TET3: variants seen among roughly 807,000 people sequenced by gnomAD.
The protein encoded by TET3 is methylcytosine dioxygenase TET3.
Under a neutral mutation model 141.4 loss-of-function variants are expected in TET3, and 19 were observed. That is an observed-to-expected ratio of 0.13 (90% CI 0.09 to 0.20). TET3 has a LOEUF of 0.20. Among genes scored for constraint, TET3 ranks in the 10% least tolerant of loss-of-function variants. The pLI is 1.00. For missense variants in TET3, 1,874 were observed against 2,356.9 expected (o/e 0.80, Z 4.24); for synonymous variants, 1,043 against 980.9 (o/e 1.06, Z -1.18).
intron 4 of TET3, among the ~76,000 whole-genome samples, chr2:74,071,795 C>G (rs1473249855): frequency 2.6e-5 from 4 of 152,118 alleles, no homozygotes; most frequent in Admixed American, 6.5e-5. Flanking sequence ...TGTTTTTAGC[C>G]TCCTAATATC....
In TET3 at chr2:74,106,742, ATT is replaced by A. The variant is rs981982564; in HGVS notation, c.*4572_*4573del. On this transcript the variant is annotated 3_prime_UTR_variant, in exon 12 of 12. Transcript: ENST00000409262. The stretch of plus-strand genomic sequence containing the variant: ...TTTTGTGTCATCCACTGTCACAATA[ATT>A]TTTTTAAATACCTCAAAAACAGGAC... 6.5e-6 allele frequency: 1 copy of A among 153,692 alleles called. No individual in the cohort carries two copies. Among genetic ancestry groups the A allele is most frequent in the Admixed American group, 6.5e-5 (1 of 15,286 alleles). The allele number at this position is 153,692 out of a possible 1,614,324, so 9.5% of individuals were successfully genotyped here.
At chr2:74,063,941 T>A (rs1688740846) in intron 4 of TET3, among the ~76,000 whole-genome samples, 1 of 150,988 alleles carries the variant, frequency 6.6e-6, no homozygotes, top group South Asian at 2.1e-4. Context: ...GAAGGGTAGA[T>A]CTTATCTTTA....
Position 74,003,046 on chromosome 2 carries a change from AG to A in TET3, c.304-62del, listed in dbSNP as rs375905318. On this transcript the variant is annotated intron_variant, in intron 2 of 11. Transcript: ENST00000409262. ...CTCCGGCCGGGCTGGGGGCTGTAGC[AG>A]GAGGACTTTGCTGCCTTCCTGGTAC... 3 of 1,530,686 alleles carry A rather than the reference AG, an allele frequency of 2.0e-6. No individual in the cohort carries two copies. The African/African-American group carries it at 4.1e-5, about 21-fold the overall frequency. 94.8% of individuals were successfully genotyped at this position (1,530,686 alleles called of 1,614,324 possible).
intron 4 of TET3, among the ~76,000 whole-genome samples, chr2:74,067,473 G>C (rs1036658481): frequency 3.9e-5 from 6 of 152,360 alleles, no homozygotes; most frequent in Non-Finnish European, 5.9e-5. Flanking sequence ...GAGGATTAGA[G>C]AGGTTGGGAA....
chr2:74,038,243 A>G (rs1416018249), intron 3 of TET3, among the ~76,000 whole-genome samples: 9 of 152,030 alleles, frequency 5.9e-5, no homozygotes, highest in Admixed American at 5.9e-4. Context: ...CTCTTCATGG[A>G]GTGTAGTGAA....
At chr2:74,086,284 T>C (rs990525359) in intron 6 of TET3, among the ~76,000 whole-genome samples, 1 of 152,140 alleles carries the variant, frequency 6.6e-6, no homozygotes, top group Admixed American at 6.5e-5. Context: ...CTGACATCTT[T>C]TTATAAACCA....
At chr2:74,008,400 G>T (rs947544538) in intron 3 of TET3, among the ~76,000 whole-genome samples, 5 of 152,240 alleles carry the variant, frequency 3.3e-5, no homozygotes, top group Non-Finnish European at 7.3e-5. Flanking sequence ...CTTGGAGGAA[G>T]AGAACAGTTG....
chr2:74,088,887 C>G (rs1044593843), intron 7 of TET3, among the ~76,000 whole-genome samples: 6 of 152,024 alleles, frequency 3.9e-5, no homozygotes, highest in African/African-American at 1.5e-4. Flanking sequence ...TCGAGACGAG[C>G]CTGGCCATCA....
Position 74,102,304 on chromosome 2 carries a change from GCGC to G in TET3, c.*129_*131del. The G allele has an allele frequency of 5.0e-6, 6 of 1,204,828 alleles. No homozygotes were observed. The highest frequency in any genetic ancestry group is 6.3e-6 in the Non-Finnish European group (6 of 947,002). 74.6% of individuals were successfully genotyped at this position (1,204,828 alleles called of 1,614,324 possible). A position where few individuals can be genotyped will look rare whatever the true frequency, so the allele number is the denominator to read the frequency against. ...TTTATCTCTATATACATATATAGAT[GCGC>G]ATATCATATATATGTATTTATGGTC... On this transcript the variant is annotated 3_prime_UTR_variant, in exon 12 of 12. Transcript: ENST00000409262.
At chr2:74,133,031 G>T in the TET3 span, among the ~76,000 whole-genome samples, 1 of 151,500 alleles carries the variant, frequency 6.6e-6, no homozygotes. Flanking sequence ...CCGAGTAGCT[G>T]GGACTACAGG....
chr2:74,080,454 T>C (rs955626641), intron 5 of TET3, 44 bp from the exon 6 acceptor site: 11 of 1,559,912 alleles, frequency 7.1e-6, no homozygotes, highest in Non-Finnish European at 9.6e-6. Context: ...TGTTCTCCTT[T>C]GGGGTTCTGC....
chr2:73,998,229 A>ATC (rs1178292232), intron 2 of TET3: 1 of 152,262 alleles, frequency 6.6e-6, no homozygotes, highest in Non-Finnish European at 1.5e-5. Context: ...TCTCAACAGC[A>ATC]TCATACAGTC....
intron 11 of TET3, 71 bp downstream of exon 11, chr2:74,099,683 G>A (rs866540306): frequency 1.6e-5 from 22 of 1,390,252 alleles, no homozygotes; most frequent in Middle Eastern, 4.5e-4. Context: ...GCTCTTCCAC[G>A]CACCCTCCTG....
intron 1 of TET3, among the ~76,000 whole-genome samples, chr2:73,985,589 G>T (rs1334388071): frequency 6.6e-6 from 1 of 150,904 alleles, no homozygotes; most frequent in East Asian, 2.0e-4. Context: ...GGGGCGCCGG[G>T]GCAGTCCCGC....
intron 4 of TET3, among the ~76,000 whole-genome samples, chr2:74,053,979 G>GA (rs2103757180): frequency 6.6e-6 from 1 of 152,296 alleles, no homozygotes; most frequent in East Asian, 1.9e-4. Flanking sequence ...TCCTGCAGGA[G>GA]AGGATGTCTT....
downstream of TET3, among the ~76,000 whole-genome samples, chr2:74,109,496 G>C (rs1691651090): frequency 2.0e-5 from 3 of 152,274 alleles, no homozygotes; most frequent in South Asian, 6.2e-4. Context: ...TATGGATACA[G>C]AAGCATTTAA....
intron 3 of TET3, among the ~76,000 whole-genome samples, chr2:74,039,320 C>A (rs996206687): frequency 6.6e-6 from 1 of 152,230 alleles, no homozygotes. Flanking sequence ...TCTCCAGCCT[C>A]TCTGAGATTT....
At chr2:74,072,847 A>G (rs942737420) in intron 4 of TET3, among the ~76,000 whole-genome samples, 4 of 152,074 alleles carry the variant, frequency 2.6e-5, no homozygotes, top group African/African-American at 9.7e-5. Flanking sequence ...ATCCTACAGT[A>G]TTTGTCCTTT....
upstream of TET3, among the ~76,000 whole-genome samples, chr2:73,984,814 G>A (rs1341772510): frequency 6.8e-6 from 1 of 147,802 alleles, no homozygotes; most frequent in Admixed American, 6.7e-5. This position sits in a 1 kb window ranked among gnomAD's most constrained non-coding sequence, Gnocchi z 5.6. Flanking sequence ...CCCGGGGCCC[G>A]GCCGGGCCGG....
Sources: gnomAD v4.1 joint callset for allele counts (sites outside exome capture counted in the v4.1 genomes callset) on GRCh38, gnomAD v4.1.1 for gene constraint, Gnocchi (gnomAD v3.1) non-coding constraint, MANE v1.5 for transcripts, NCBI Gene and HGNC (gene_info 2026-07-23, HGNC 2026-07-21) for gene names.